Variants in ITSN2 observed in about 807,000 individuals in gnomAD.
ITSN2 encodes the protein intersectin-2.
In ITSN2, 156 loss-of-function variants were observed where a neutral mutation model predicts 243.7. That is an observed-to-expected ratio of 0.64 (90% CI 0.56 to 0.73). ITSN2 has a LOEUF of 0.73. ITSN2 is among the 30% of genes least tolerant of loss of function. ITSN2 has a pLI of 0.00. For missense variants in ITSN2, 1,801 were observed against 1,996.1 expected (o/e 0.90, Z 1.86); for synonymous variants, 703 against 699.9 (o/e 1.00, Z -0.07).
At position 24,261,258 on chromosome 2, in the gene ITSN2, T is replaced by C; in HGVS notation, c.2538-8A>G. 1 of 1,595,358 alleles carries C rather than the reference T, an allele frequency of 6.3e-7. No homozygotes were observed. Among genetic ancestry groups the C allele is most frequent in the Non-Finnish European group, 8.6e-7 (1 of 1,164,382 alleles). On this transcript the variant is annotated splice_polypyrimidine_tract_variant and splice_region_variant and intron_variant, in intron 21 of 39. Coordinates refer to ENST00000355123, the MANE Select transcript of ITSN2 (RefSeq NM_006277.3). ...TGATTTGAAGAAAGTGGTCTGCAAA[T>C]ATAACACTTTGATATAAGTATATTT...
chr2:24,311,104 C>T (rs1446934701), intron 5 of ITSN2, among the ~76,000 whole-genome samples: 2 of 152,032 alleles, frequency 1.3e-5, no homozygotes, highest in Non-Finnish European at 2.9e-5. Context: ...TTCTCTCTCT[C>T]TCTCACATAC....
chr2:24,208,891 G>A (rs1331752849), intron 36 of ITSN2, among the ~76,000 whole-genome samples: 1 of 152,238 alleles, frequency 6.6e-6, no homozygotes, highest in African/African-American at 2.4e-5. Flanking sequence ...GAGTGGTGTG[G>A]GGAGAGACTA....
intron 15 of ITSN2, among the ~76,000 whole-genome samples, chr2:24,289,660 G>A (rs1035351328): frequency 3.3e-5 from 5 of 152,150 alleles, no homozygotes; most frequent in African/African-American, 7.2e-5. Context: ...TAAAAAGTGC[G>A]TATCCCTACC....
In ITSN2 at chr2:24,300,933, T is replaced by A. The variant is rs77785878; in HGVS notation, c.1081+221A>T. On this transcript the variant is annotated intron_variant, in intron 11 of 39. Transcript: ENST00000355123. ...AATACTTTAACTCAGATGTCTATAA[T>A]CCTGTCAAATACATCTAACTGTCTC... 7.3e-3 allele frequency among the ~76,000 whole-genome samples: 1,105 copies of A among 152,306 alleles called. 8 individuals carry two copies. The highest frequency in any genetic ancestry group is 0.026 in the African/African-American group (1,064 of 41,564).
At chr2:24,220,723 TG>T in intron 30 of ITSN2, 1 of 1,342,710 alleles carries the variant, frequency 7.4e-7, no homozygotes, top group Non-Finnish European at 9.5e-7. Flanking sequence ...TGACCTCATC[TG>T]GGGGAAAGAG....
rs1683493245 is a variant in ITSN2 at position 24,313,314 on chromosome 2, ATCC to A, written c.188+143_188+145del. The stretch of plus-strand genomic sequence containing the variant: ...ATGTTGCCCAGCCTGGCCTCAAGCA[ATCC>A]TCCTACCTCAGACTCCCAAAGTGCT... On this transcript the variant is annotated intron_variant, in intron 4 of 39. Transcript: ENST00000355123. The A allele has an allele frequency of 7.2e-6, 4 of 555,184 alleles. No homozygotes were observed. The East Asian group carries it at 1.3e-4, about 19-fold the overall frequency. The allele number at this position is 555,184 out of a possible 1,614,324, so 34.4% of individuals were successfully genotyped here.
chr2:24,204,304 T>A lies in ITSN2; in HGVS notation c.4877A>T (p.Asp1626Val). ...GAGACACAGCACGTCTTGGTAGAGA[T>A]CCTTAATAAAGAACTGGCAGTTAAA... is the stretch of plus-strand genomic sequence containing the variant. ...WNFNCQFFIK[D>V]LYQDVLCLTL... The change falls in exon 39 of 40, where the codon GAT becomes GTT. Residue 1626 changes from aspartate (D) to valine (V), a missense_variant. Asp to Val is a radical substitution (Grantham distance 152). Coordinates refer to ENST00000355123, the MANE Select transcript of ITSN2 (RefSeq NM_006277.3). The surrounding 1 kb of genome is among the most constrained non-coding windows in gnomAD (Gnocchi z 5.1). 5 of 1,614,050 alleles carry A rather than the reference T, an allele frequency of 3.1e-6. No individual in the cohort carries two copies. The South Asian group carries it at 5.5e-5, about 18-fold the overall frequency.
chr2:24,343,828 A>G (rs1687278998), intron 1 of ITSN2, among the ~76,000 whole-genome samples: 1 of 152,140 alleles, frequency 6.6e-6, no homozygotes, highest in Non-Finnish European at 1.5e-5. Flanking sequence ...ATTTTCCACA[A>G]ACATTATTTC....
At chr2:24,263,615 C>A (rs544202278) in intron 20 of ITSN2, among the ~76,000 whole-genome samples, 2 of 152,234 alleles carry the variant, frequency 1.3e-5, no homozygotes, top group East Asian at 3.9e-4. Context: ...AAAACACTGG[C>A]CTGTTTTCTG....
At chr2:24,245,749 G>A (rs1673283355) in intron 29 of ITSN2, among the ~76,000 whole-genome samples, 3 of 152,090 alleles carry the variant, frequency 2.0e-5, no homozygotes, top group Admixed American at 1.3e-4. Context: ...CAAAGTGCTG[G>A]GATTATGGGT....
intron 1 of ITSN2, among the ~76,000 whole-genome samples, chr2:24,336,325 C>A (rs992872598): frequency 6.6e-6 from 1 of 151,486 alleles, no homozygotes; most frequent in African/African-American, 2.4e-5. Flanking sequence ...ATGAATAGAA[C>A]CTAAATAAAT....
intron 15 of ITSN2, among the ~76,000 whole-genome samples, chr2:24,291,907 T>A (rs764149215): frequency 6.6e-6 from 1 of 152,210 alleles, no homozygotes; most frequent in East Asian, 1.9e-4. Flanking sequence ...AGAAACAACA[T>A]GGTAGTACAG....
intron 29 of ITSN2, among the ~76,000 whole-genome samples, chr2:24,234,704 GAA>G (rs1361315600): frequency 6.6e-6 from 1 of 152,158 alleles, no homozygotes; most frequent in Non-Finnish European, 1.5e-5. Context: ...ATGCCTCATG[GAA>G]AAAGATATGC....
At chr2:24,318,853 T>C (rs377507230) in intron 2 of ITSN2, among the ~76,000 whole-genome samples, 18 of 152,148 alleles carry the variant, frequency 1.2e-4, no homozygotes, top group African/African-American at 4.3e-4. Context: ...GTTAGGAACC[T>C]GGCCGCACAG....
At chr2:24,282,461 T>C (rs1438481767) in intron 17 of ITSN2, among the ~76,000 whole-genome samples, 1 of 152,188 alleles carries the variant, frequency 6.6e-6, no homozygotes, top group Non-Finnish European at 1.5e-5. Context: ...TGTGATCCAA[T>C]TCTTCCAGTA....
At chr2:24,292,969 A>G (rs954372968) in intron 15 of ITSN2, among the ~76,000 whole-genome samples, 7 of 152,232 alleles carry the variant, frequency 4.6e-5, no homozygotes, top group African/African-American at 1.2e-4. Flanking sequence ...TAGAGACTCA[A>G]TGAGTGACAT....
In ITSN2 at chr2:24,204,192, A is replaced by C. The variant is rs1470158707; in HGVS notation, c.4936+53T>G. On this transcript the variant is annotated intron_variant, in intron 39 of 39. Transcript: ENST00000355123. The surrounding 1 kb of genome is among the most constrained non-coding windows in gnomAD (Gnocchi z 5.1). ...GCTGAAGCCCCTAGATCTGGACTCC[A>C]GGATCTAGGAAACTGGGAAAGCCTT... The C allele has an allele frequency of 3.8e-6, 6 of 1,579,172 alleles. No individual in the cohort carries two copies. The highest frequency in any genetic ancestry group is 1.7e-5 in the Admixed American group (1 of 59,774).
At chr2:24,338,483 G>C (rs1241023818) in intron 1 of ITSN2, among the ~76,000 whole-genome samples, 1 of 152,184 alleles carries the variant, frequency 6.6e-6, no homozygotes, top group Non-Finnish European at 1.5e-5. Context: ...ATGGGCCATG[G>C]TCACTCATAT....
intron 8 of ITSN2, among the ~76,000 whole-genome samples, chr2:24,304,770 G>C (rs904785552): frequency 2.6e-5 from 4 of 151,828 alleles, no homozygotes; most frequent in Admixed American, 2.0e-4. Context: ...ACAGAAGAGA[G>C]AAGGAGGAGG....
Sources: gnomAD v4.1 joint callset for allele counts (sites outside exome capture counted in the v4.1 genomes callset) on GRCh38, gnomAD v4.1.1 for gene constraint, Gnocchi (gnomAD v3.1) non-coding constraint, MANE v1.5 for transcripts, NCBI Gene and HGNC (gene_info 2026-07-23, HGNC 2026-07-21) for gene names.